The following RUNX1T1 variants were observed in gnomAD, a reference collection of about 807,000 sequenced individuals.
The protein encoded by RUNX1T1 is protein CBFA2T1.
RUNX1T1 carries 4 observed loss-of-function variants against 62.8 expected under a neutral mutation model. That is an observed-to-expected ratio of 0.06 (90% CI 0.03 to 0.15). The LOEUF (loss-of-function observed/expected upper bound fraction) is 0.15. RUNX1T1 is among the 10% of genes least tolerant of loss of function. The pLI is 1.00. For missense variants in RUNX1T1, 508 were observed against 754.3 expected, an observed-to-expected ratio of 0.67 and a Z score of 3.82; for synonymous variants, 291 against 286.0, an observed-to-expected ratio of 1.02 and a Z score of -0.18.
intron 5 of RUNX1T1, chr8:92,004,475 A>G (rs985684104): frequency 6.6e-6 from 1 of 152,198 alleles, no homozygotes; most frequent in Admixed American, 6.5e-5. Flanking sequence ...GGTTTAATGG[A>G]GAAGTGGTTT....
chr8:92,097,039 G>A (rs1184090770), intron 1 of RUNX1T1, among the ~76,000 whole-genome samples: 6 of 151,932 alleles, frequency 3.9e-5, no homozygotes, highest in Admixed American at 3.3e-4. Context: ...AAAGAAATTT[G>A]ATAGGTAACA....
intron 2 of RUNX1T1, among the ~76,000 whole-genome samples, chr8:92,073,531 A>G (rs1833984663): frequency 6.6e-6 from 1 of 152,124 alleles, no homozygotes. Flanking sequence ...ATCTGCTTCT[A>G]AATTACAACT....
intron 1 of RUNX1T1, among the ~76,000 whole-genome samples, chr8:92,041,557 G>C (rs1260411385): frequency 6.6e-6 from 1 of 152,112 alleles, no homozygotes; most frequent in African/African-American, 2.4e-5. Flanking sequence ...CCTGGCCAAA[G>C]TGGTGAAACC....
At chr8:92,038,353 A>G (rs1347099078) in intron 1 of RUNX1T1, among the ~76,000 whole-genome samples, 1 of 152,196 alleles carries the variant, frequency 6.6e-6, no homozygotes, top group Non-Finnish European at 1.5e-5. Flanking sequence ...TCCTGAAGGC[A>G]GGATTCTAAC....
Position 91,993,421 on chromosome 8 carries a change from T to G in RUNX1T1, c.660-1532A>C, listed in dbSNP as rs547448499. On this transcript the variant is annotated intron_variant, in intron 5 of 10. Transcript: ENST00000396218. ...GAACTGAGGGTAAATCTTCAGAGTTTTATGTTAAAGAACATGCCCACTACA... is the reference window on the plus strand; with the variant it reads ...GAACTGAGGGTAAATCTTCAGAGTTGTATGTTAAAGAACATGCCCACTACA... Among the ~76,000 whole-genome samples the G allele has an allele frequency of 2.0e-5, 3 of 152,244 alleles. No individual in the cohort carries two copies. The South Asian group carries it at 6.2e-4, about 32-fold the overall frequency.
At chr8:91,978,331 C>T (rs1401060948) in intron 8 of RUNX1T1, among the ~76,000 whole-genome samples, 4 of 152,162 alleles carry the variant, frequency 2.6e-5, no homozygotes, top group Admixed American at 6.5e-5. Context: ...TTTGAGAGCA[C>T]TGCTGTGAAG....
intron 4 of RUNX1T1, among the ~76,000 whole-genome samples, chr8:92,007,055 A>T (rs180855529): frequency 6.6e-6 from 1 of 152,316 alleles, no homozygotes; most frequent in African/African-American, 2.4e-5. Context: ...AATATATTGT[A>T]TATATTTTTT....
chr8:92,034,725 C>T (rs528510458), intron 1 of RUNX1T1, among the ~76,000 whole-genome samples: 1 of 149,816 alleles, frequency 6.7e-6, no homozygotes, highest in East Asian at 2.0e-4. Context: ...CATATATATA[C>T]ACACGTATAC....
At chr8:92,046,382 C>G (rs1829407617) in intron 1 of RUNX1T1, among the ~76,000 whole-genome samples, 1 of 152,028 alleles carries the variant, frequency 6.6e-6, no homozygotes, top group Middle Eastern at 3.2e-3. Flanking sequence ...AAATTTAAGA[C>G]AAAATCTCAC....
intron 2 of RUNX1T1, among the ~76,000 whole-genome samples, chr8:92,074,070 TG>T (rs1433878016): frequency 3.9e-5 from 6 of 152,318 alleles, no homozygotes; most frequent in African/African-American, 1.4e-4. Flanking sequence ...AATACAAATA[TG>T]TATATGTGTA....
chr8:92,069,191 A>G (rs1403723246), intron 2 of RUNX1T1, among the ~76,000 whole-genome samples: 3 of 140,886 alleles, frequency 2.1e-5, no homozygotes, highest in Non-Finnish European at 3.1e-5. Flanking sequence ...TTATATTTTG[A>G]AAAAAAAAAA....
upstream of RUNX1T1, among the ~76,000 whole-genome samples, chr8:92,065,909 C>A (rs1393900767): frequency 1.3e-5 from 2 of 152,168 alleles, no homozygotes; most frequent in African/African-American, 4.8e-5. Flanking sequence ...CCTCATTGAT[C>A]CTAATTGAAA....
intron 10 of RUNX1T1, among the ~76,000 whole-genome samples, chr8:91,969,657 C>A (rs764412513): frequency 3.3e-4 from 51 of 152,252 alleles, no homozygotes; most frequent in Non-Finnish European, 5.4e-4. Context: ...TTCCTTTTGT[C>A]CCCTTGTTAT....
chr8:92,015,670 G>A (rs961841226), intron 2 of RUNX1T1, among the ~76,000 whole-genome samples: 1 of 152,144 alleles, frequency 6.6e-6, no homozygotes, highest in African/African-American at 2.4e-5. Flanking sequence ...TAAAGAAAAT[G>A]TTGATTTTAT....
chr8:92,055,658 A>C (rs1830927163), intron 1 of RUNX1T1, among the ~76,000 whole-genome samples: 1 of 152,222 alleles, frequency 6.6e-6, no homozygotes, highest in Non-Finnish European at 1.5e-5. Flanking sequence ...TGCCTGGATA[A>C]CTAAAAAGTT....
chr8:91,998,625 T>C (rs1247458790), intron 5 of RUNX1T1, among the ~76,000 whole-genome samples: 1 of 152,230 alleles, frequency 6.6e-6, no homozygotes, highest in East Asian at 1.9e-4. Flanking sequence ...GGTGGAATGC[T>C]TCCGTCACGT....
At chr8:91,960,936 A>G (rs1810307932) in intron 10 of RUNX1T1, among the ~76,000 whole-genome samples, 1 of 152,246 alleles carries the variant, frequency 6.6e-6, no homozygotes, top group Non-Finnish European at 1.5e-5. Flanking sequence ...TTTAGATACC[A>G]AAAGGAATCA....
At chr8:91,962,419 A>C (rs536449377) in intron 10 of RUNX1T1, among the ~76,000 whole-genome samples, 2 of 152,376 alleles carry the variant, frequency 1.3e-5, no homozygotes, top group African/African-American at 2.4e-5. Context: ...AAAAAATGTC[A>C]TAAGTTAAAA....
chr8:92,014,455 C>G, intron 3 of RUNX1T1, 124 bp downstream of exon 4: 1 of 928,704 alleles, frequency 1.1e-6, no homozygotes, highest in South Asian at 2.1e-5. Flanking sequence ...CAGACTTGCA[C>G]ACAATCTTCA....
Sources: gnomAD v4.1 joint callset for allele counts (sites outside exome capture counted in the v4.1 genomes callset) on GRCh38, gnomAD v4.1.1 for gene constraint, MANE v1.5 for transcripts, NCBI Gene and HGNC (gene_info 2026-07-23, HGNC 2026-07-21) for gene names.